Variants in PSD3 observed in about 807,000 individuals in gnomAD.
The protein encoded by PSD3 is pleckstrin and Sec7 domain containing 3.
Under a neutral mutation model 105.5 loss-of-function variants are expected in PSD3, and 49 were observed. The observed-to-expected ratio is 0.46, with a 90% CI of 0.37 to 0.59. The LOEUF (loss-of-function observed/expected upper bound fraction) is 0.59, where lower values mean the gene tolerates loss of function less well. PSD3 is among the 20% of genes least tolerant of loss of function. PSD3 has a pLI of 0.00. For missense variants in PSD3, 1,561 were observed against 1,263.8 expected (o/e 1.24, Z -3.57); for synonymous variants, 557 against 457.8 (o/e 1.22, Z -2.77).
chr8:18,595,872 CAG>C (rs1804057675), intron 12 of PSD3, among the ~76,000 whole-genome samples: 1 of 151,938 alleles, frequency 6.6e-6, no homozygotes, highest in Admixed American at 6.6e-5. Flanking sequence ...AATAAAGAAA[CAG>C]AGAACTTCAA....
intron 1 of PSD3, among the ~76,000 whole-genome samples, chr8:19,004,491 A>G (rs1442383619): frequency 6.6e-6 from 1 of 152,110 alleles, no homozygotes; most frequent in African/African-American, 2.4e-5. Flanking sequence ...AAGAAACAGA[A>G]AAGACAACCC....
At chr8:19,009,235 C>T (rs1335193390) in intron 1 of PSD3, among the ~76,000 whole-genome samples, 2 of 152,016 alleles carry the variant, frequency 1.3e-5, no homozygotes, top group Non-Finnish European at 2.9e-5. Context: ...GTATAATGGT[C>T]GGTGATGAAT....
At chr8:19,055,947 T>C (rs1406539677) in intron 1 of PSD3, among the ~76,000 whole-genome samples, 2 of 152,198 alleles carry the variant, frequency 1.3e-5, no homozygotes, top group Admixed American at 1.3e-4. Context: ...GGTTATCTGT[T>C]CTCTTATTAA....
chr8:18,852,593 G>A (rs1234084862), intron 4 of PSD3, among the ~76,000 whole-genome samples: 1 of 152,186 alleles, frequency 6.6e-6, no homozygotes, highest in Non-Finnish European at 1.5e-5. Flanking sequence ...TGGACCTGCG[G>A]TAATCTACCC....
chr8:18,879,888 G>C lies in PSD3; in HGVS notation c.131-7155C>G, dbSNP rs143660370. Among the ~76,000 whole-genome samples, 7 of 152,176 alleles carry C rather than the reference G, an allele frequency of 4.6e-5. No homozygotes were observed. The East Asian group carries it at 1.4e-3, about 29-fold the overall frequency. Reference sequence around the variant, plus strand: ...TGCTGGGATTACGGCGTGAACTAACGCATTTAGCCAAGACCATCATTGCTA... The same window carrying C: ...TGCTGGGATTACGGCGTGAACTAACCCATTTAGCCAAGACCATCATTGCTA... On this transcript the variant is annotated intron_variant, in intron 2 of 15. Transcript: ENST00000327040.
intron 9 of PSD3, among the ~76,000 whole-genome samples, chr8:18,746,950 A>C (rs1805080610): frequency 6.6e-6 from 1 of 152,156 alleles, no homozygotes; most frequent in Non-Finnish European, 1.5e-5. Context: ...AGGCATGGAT[A>C]TTTTCTCAGC....
chr8:18,685,509 G>A (rs547920454), intron 9 of PSD3, among the ~76,000 whole-genome samples: 2 of 151,932 alleles, frequency 1.3e-5, no homozygotes, highest in African/African-American at 2.4e-5. Context: ...TTGGTAAAAT[G>A]TTACCATCTA....
chr8:18,695,885 T>C (rs1411841109), intron 9 of PSD3, among the ~76,000 whole-genome samples: 4 of 152,194 alleles, frequency 2.6e-5, no homozygotes, highest in East Asian at 3.9e-4. Context: ...TTAACAATGA[T>C]AACTTCATGT....
chr8:18,653,630 C>T (rs1432519564), intron 10 of PSD3, among the ~76,000 whole-genome samples: 1 of 152,178 alleles, frequency 6.6e-6, no homozygotes, highest in African/African-American at 2.4e-5. Flanking sequence ...ACAAGATGCT[C>T]TGCTAACTTC....
At chr8:19,073,694 T>A (rs1451638497) in intron 1 of PSD3, among the ~76,000 whole-genome samples, 3 of 152,084 alleles carry the variant, frequency 2.0e-5, no homozygotes, top group African/African-American at 7.2e-5. Flanking sequence ...GGTCACAAAT[T>A]TCTAAATGGC....
At chr8:18,540,143 A>T (rs1800079828) in intron 15 of PSD3, among the ~76,000 whole-genome samples, 1 of 152,202 alleles carries the variant, frequency 6.6e-6, no homozygotes, top group African/African-American at 2.4e-5. Flanking sequence ...TGTAAGTAGA[A>T]GTCTGCTAGG....
chr8:18,759,251 T>C (rs1424370820), intron 9 of PSD3, among the ~76,000 whole-genome samples: 6 of 152,122 alleles, frequency 3.9e-5, no homozygotes, highest in African/African-American at 1.4e-4. Context: ...AAACATCTAA[T>C]AGCAAGCAAT....
chr8:18,826,655 G>C (rs1384808031), intron 4 of PSD3, among the ~76,000 whole-genome samples: 1 of 152,208 alleles, frequency 6.6e-6, no homozygotes, highest in Non-Finnish European at 1.5e-5. Flanking sequence ...TTTGAAGTTT[G>C]AAGAATGCAT....
intron 12 of PSD3, among the ~76,000 whole-genome samples, chr8:18,587,077 G>T (rs1159780684): frequency 6.6e-6 from 1 of 152,124 alleles, no homozygotes; most frequent in East Asian, 1.9e-4. Context: ...CCAAATAGTG[G>T]GGGATTGGCT....
intron 4 of PSD3, among the ~76,000 whole-genome samples, chr8:18,845,976 T>C (rs1387484848): frequency 6.6e-6 from 1 of 152,216 alleles, no homozygotes; most frequent in African/African-American, 2.4e-5. Context: ...CCTAAATCAA[T>C]GGTATGAGCC....
In PSD3 at chr8:18,552,462, G is replaced by C. The variant is rs112516236; in HGVS notation, c.2928+3747C>G. The stretch of plus-strand genomic sequence containing the variant: ...AGGGCCAACTGCATTGCTGTCAAGG[G>C]AATTTCTCTAATGGTGCTGTGTCTT... On this transcript the variant is annotated intron_variant, in intron 15 of 15. Coordinates refer to ENST00000327040, the MANE Select transcript of PSD3 (RefSeq NM_015310.4). 9.9e-4 allele frequency among the ~76,000 whole-genome samples: 151 copies of C among 152,262 alleles called. 1 individual carries two copies. The highest frequency in any genetic ancestry group is 3.3e-3 in the African/African-American group (138 of 41,534).
intron 8 of PSD3, among the ~76,000 whole-genome samples, chr8:18,784,236 G>A (rs777958611): frequency 6.6e-6 from 1 of 152,036 alleles, no homozygotes; most frequent in Non-Finnish European, 1.5e-5. Context: ...GTGATTCTAA[G>A]CATTATTTAA....
intron 1 of PSD3, among the ~76,000 whole-genome samples, chr8:19,034,635 C>T (rs912122631): frequency 6.6e-6 from 1 of 152,188 alleles, no homozygotes; most frequent in African/African-American, 2.4e-5. Flanking sequence ...TCCCAGATGA[C>T]CCCCTGCAAC....
chr8:18,814,730 G>A (rs140096476), intron 4 of PSD3, among the ~76,000 whole-genome samples: 136 of 152,302 alleles, frequency 8.9e-4, no homozygotes, highest in Non-Finnish European at 1.5e-3. Context: ...GGTAGGATCA[G>A]TGAGCCCCAT....
Sources: gnomAD v4.1 joint callset for allele counts (sites outside exome capture counted in the v4.1 genomes callset) on GRCh38, gnomAD v4.1.1 for gene constraint, MANE v1.5 for transcripts, NCBI Gene and HGNC (gene_info 2026-07-23, HGNC 2026-07-21) for gene names.